DPH6: variants seen among roughly 807,000 people sequenced by gnomAD.
The protein encoded by DPH6 is diphthine--ammonia ligase.
In DPH6, 33 loss-of-function variants were observed where a neutral mutation model predicts 38.2. That is an observed-to-expected ratio of 0.86 (90% CI 0.65 to 1.15). The LOEUF is 1.15. DPH6 is among the 50% of genes most tolerant of loss of function. The pLI is 0.00. For missense variants in DPH6, 325 were observed against 320.0 expected, an observed-to-expected ratio of 1.02 and a Z score of -0.12; for synonymous variants, 108 against 103.0, an observed-to-expected ratio of 1.05 and a Z score of -0.30.
intron 6 of DPH6, among the ~76,000 whole-genome samples, chr15:35,389,907 TCATTATTTGATG>T (rs1792582191): frequency 6.6e-6 from 1 of 152,188 alleles, no homozygotes; most frequent in East Asian, 1.9e-4. Context: ...GTTATTTTGC[TCATTATTTGATG>T]CAGTTTCTTC....
At chr15:35,544,055 A>T (rs1475898375) in intron 1 of DPH6, among the ~76,000 whole-genome samples, 2 of 152,214 alleles carry the variant, frequency 1.3e-5, no homozygotes, top group African/African-American at 4.8e-5. Context: ...AATATCAGAC[A>T]AGCTTGGGAA....
chr15:35,210,818 C>A, the DPH6 span, among the ~76,000 whole-genome samples: 2 of 151,900 alleles, frequency 1.3e-5, no homozygotes, highest in African/African-American at 4.8e-5. Flanking sequence ...GGGATAGGGG[C>A]TGTGGGTTTC....
intron 3 of DPH6, among the ~76,000 whole-genome samples, chr15:35,456,039 A>C (rs996164441): frequency 5.3e-5 from 8 of 152,196 alleles, no homozygotes. Context: ...AATGATGGAG[A>C]AATACCTGCC....
Position 35,487,273 on chromosome 15 carries a change from G to A in DPH6, c.313-32453C>T, listed in dbSNP as rs185864651. Among the ~76,000 whole-genome samples the A allele has an allele frequency of 1.5e-3, 229 of 152,318 alleles. 3 individuals carry two copies. In the East Asian group the frequency reaches 0.023, roughly 15 times the overall value. On this transcript the variant is annotated intron_variant, in intron 3 of 8. Transcript: ENST00000256538. ...AGGCAGTGCCCCAGTGGGAACTCTG[G>A]GTGGGGGTTTCAACCCCACATTTCC...
chr15:35,534,621 A>C (rs1190930887), intron 3 of DPH6, among the ~76,000 whole-genome samples: 2 of 152,162 alleles, frequency 1.3e-5, no homozygotes, highest in Non-Finnish European at 2.9e-5. Context: ...CAGAACATAC[A>C]ACAAAAAGAC....
At chr15:35,254,595 G>C (rs2051695086) in intron 3 of DPH6, among the ~76,000 whole-genome samples, 1 of 152,190 alleles carries the variant, frequency 6.6e-6, no homozygotes, top group African/African-American at 2.4e-5. Context: ...TCAATTTGCA[G>C]CTGTGGTTTA....
chr15:35,391,130 A>G (rs941912353), intron 6 of DPH6, among the ~76,000 whole-genome samples: 5 of 152,168 alleles, frequency 3.3e-5, no homozygotes, highest in African/African-American at 1.2e-4. Flanking sequence ...TTGCCTGGGT[A>G]TCAGCAGCGG....
chr15:35,156,182 A>G, the DPH6 span, among the ~76,000 whole-genome samples: 7 of 152,170 alleles, frequency 4.6e-5, no homozygotes, highest in Non-Finnish European at 1.0e-4. Context: ...AATGTACAAA[A>G]ATTGGTTTGT....
intron 6 of DPH6, chr15:35,401,145 GA>G (rs1013877506): frequency 9.9e-7 from 1 of 1,008,240 alleles, no homozygotes. Flanking sequence ...CTGTCATTCA[GA>G]AACACCATAC....
intron 6 of DPH6, among the ~76,000 whole-genome samples, chr15:35,386,241 C>T (rs969087484): frequency 2.2e-4 from 33 of 152,334 alleles, no homozygotes; most frequent in African/African-American, 6.5e-4. Flanking sequence ...TTAATCCAGT[C>T]TACCATTGTT....
Position 35,372,165 on chromosome 15 carries a change from A to G in DPH6, c.789T>C (p.Tyr263=), listed in dbSNP as rs1386058657. The change falls in exon 9 of 9, where the codon TAT becomes TAC. Residue 263 remains tyrosine (Y), a synonymous_variant. Coordinates refer to ENST00000256538, the MANE Select transcript of DPH6 (RefSeq NM_080650.4). ...SVPDNYRTSN[Y]IYNF is the part of the protein sequence containing the mutation. ...AAAACACTTTTCAAAAATTATATAT[A>G]TAATTAGATGTTCTGTAGTTGTCAG... 2.6e-6 allele frequency: 4 copies of G among 1,523,812 alleles called. No homozygotes were observed. The highest frequency in any genetic ancestry group is 2.5e-5 in the East Asian group (1 of 40,324). 94.4% of individuals were successfully genotyped at this position (1,523,812 alleles called of 1,614,324 possible).
intron 6 of DPH6, among the ~76,000 whole-genome samples, chr15:35,383,539 C>T (rs1295262088): frequency 6.6e-6 from 1 of 152,202 alleles, no homozygotes; most frequent in Non-Finnish European, 1.5e-5. Flanking sequence ...TGTATTTTAA[C>T]ATCACACACT....
chr15:35,160,926 TGG>T, the DPH6 span, among the ~76,000 whole-genome samples: 3 of 151,616 alleles, frequency 2.0e-5, no homozygotes, highest in South Asian at 6.3e-4. Flanking sequence ...CACTCATAGG[TGG>T]GAAATGAACA....
At chr15:35,450,909 T>C in intron 4 of DPH6, 106 bp from the exon 5 acceptor site, 1 of 900,316 alleles carries the variant, frequency 1.1e-6, no homozygotes, top group Non-Finnish European at 1.7e-6. Flanking sequence ...TCAAGGATTT[T>C]AGCATTGAAA....
chr15:35,383,742 A>C (rs982768854), intron 6 of DPH6, among the ~76,000 whole-genome samples: 10 of 152,192 alleles, frequency 6.6e-5, no homozygotes, highest in Non-Finnish European at 1.2e-4. Context: ...TGGCCTCTCT[A>C]AATTCTACAA....
chr15:35,391,729 G>A (rs1317574191), intron 6 of DPH6, among the ~76,000 whole-genome samples: 1 of 152,180 alleles, frequency 6.6e-6, no homozygotes, highest in East Asian at 1.9e-4. Context: ...GATTTTCCAG[G>A]TGCCGTCTGT....
In DPH6 at chr15:35,445,111, CAG is replaced by C. The variant is rs2053835391; in HGVS notation, c.505+5572_505+5573del. Reference sequence around the variant, plus strand: ...TTCACAAACATACTCTGCATAACTCCAGAGAGGAGTTGTTAGTAACATTTATT... The same window carrying C: ...TTCACAAACATACTCTGCATAACTCCAGAGGAGTTGTTAGTAACATTTATT... On this transcript the variant is annotated intron_variant, in intron 5 of 8. Coordinates refer to ENST00000256538, the MANE Select transcript of DPH6 (RefSeq NM_080650.4). 2.0e-5 allele frequency among the ~76,000 whole-genome samples: 3 copies of C among 152,248 alleles called. No homozygotes were observed. The South Asian group carries it at 6.2e-4, about 32-fold the overall frequency.
chr15:35,488,784 AATTATAATC>A (rs2054438372), intron 3 of DPH6, among the ~76,000 whole-genome samples: 1 of 152,192 alleles, frequency 6.6e-6, no homozygotes, highest in African/African-American at 2.4e-5. Context: ...GAGGAAAGGA[AATTATAATC>A]AGTAAAACAG....
rs1269962333 is a variant in DPH6, at chr15:35,223,609, C to T, written n.201-3027G>A. Among the ~76,000 whole-genome samples, 4 of 152,120 alleles carry T rather than the reference C, an allele frequency of 2.6e-5. No homozygotes were observed. The South Asian group carries it at 8.3e-4, about 32-fold the overall frequency. On this transcript the variant is annotated intron_variant and non_coding_transcript_variant, in intron 3 of 3. Transcript: ENST00000560386. ...GCTGAGGCAGGAGAATGGCGTGAAC[C>T]TGGGAGGCGGAGCTTGCAGTGAGCG...
Sources: gnomAD v4.1 joint callset for allele counts (sites outside exome capture counted in the v4.1 genomes callset) on GRCh38, gnomAD v4.1.1 for gene constraint, MANE v1.5 for transcripts, NCBI Gene and HGNC (gene_info 2026-07-23, HGNC 2026-07-21) for gene names.